The following IKBKE variants were observed in gnomAD, a reference collection of about 807,000 sequenced individuals.
IKBKE encodes inhibitor of nuclear factor kappa B kinase subunit epsilon.
Under a neutral mutation model 92.1 loss-of-function variants are expected in IKBKE, and 45 were observed. That is an observed-to-expected ratio of 0.49 (90% CI 0.38 to 0.63). The LOEUF (loss-of-function observed/expected upper bound fraction) is 0.63. Ranked by LOEUF, IKBKE falls within the 20% of genes least tolerant of loss-of-function variation. The pLI, the probability that IKBKE is intolerant of heterozygous loss-of-function variation, is 0.00. For missense variants in IKBKE, 700 were observed against 932.8 expected (o/e 0.75, Z 3.25); for synonymous variants, 374 against 380.3 (o/e 0.98, Z 0.19).
chr1:206,480,949 C>T (rs1231847905), intron 13 of IKBKE, among the ~76,000 whole-genome samples: 6 of 152,196 alleles, frequency 3.9e-5, no homozygotes, highest in African/African-American at 1.4e-4. Context: ...CAGGTGGTCT[C>T]GTTCTCCATG....
chr1:206,491,862 G>T (rs1184938009), intron 18 of IKBKE, 113 bp downstream of exon 18: 2 of 746,004 alleles, frequency 2.7e-6, no homozygotes, highest in African/African-American at 1.8e-5. Context: ...GAGTGAAGGG[G>T]TGTGAGCAGA....
intron 13 of IKBKE, 101 bp from the exon 14 acceptor site, chr1:206,484,896 C>A: frequency 1.1e-6 from 1 of 945,890 alleles, no homozygotes. Context: ...CAAGGCTGTC[C>A]CACAGATGCT....
At chr1:206,489,736 G>A (rs186239071) in intron 16 of IKBKE, among the ~76,000 whole-genome samples, 2 of 151,978 alleles carry the variant, frequency 1.3e-5, no homozygotes, top group Non-Finnish European at 2.9e-5. Context: ...AAAACCTCTA[G>A]GCATCATTAC....
At chr1:206,480,621 TC>T (rs1218057294) in intron 13 of IKBKE, 88 bp downstream of exon 13, 917,840 of 917,846 alleles carry the variant, frequency 1, 458,917 homozygotes, top group Middle Eastern at 1. Context: ...GCACCTCTTC[TC>T]CCCCAAGCCA....
intron 13 of IKBKE, 102 bp from the exon 14 acceptor site, chr1:206,484,895 C>G: frequency 1.1e-6 from 1 of 935,646 alleles, no homozygotes. Flanking sequence ...CCAAGGCTGT[C>G]CCACAGATGC....
Position 206,476,269 on chromosome 1 carries a change from G to T in IKBKE, c.447G>T (p.Gly149=), listed in dbSNP as rs1247640441. Residue 149 remains glycine (G), a synonymous_variant, in exon 6 of 22, where the codon GGG becomes GGT. Transcript: ENST00000581977. This position sits in a 1 kb window ranked among gnomAD's most constrained non-coding sequence, Gnocchi z 5.1. The stretch of plus-strand genomic sequence containing the variant: ...TCATGCGCCTCGTAGGGGAGGAGGG[G>T]CAGAGCATCTACAAGCTGACAGACT... ...GNIMRLVGEE[G]QSIYKLTDFG... The T allele has an allele frequency of 6.2e-7, 1 of 1,613,996 alleles. No individual in the cohort carries two copies. The highest frequency in any genetic ancestry group is 1.7e-5 in the Admixed American group (1 of 60,006).
chr1:206,479,362 A>G (rs1283412554), intron 10 of IKBKE, among the ~76,000 whole-genome samples: 1 of 152,150 alleles, frequency 6.6e-6, no homozygotes, highest in Non-Finnish European at 1.5e-5. Flanking sequence ...GAGCTGTGGA[A>G]AGAGCTCCAG....
intron 7 of IKBKE, among the ~76,000 whole-genome samples, chr1:206,477,159 G>A (rs530757851): frequency 6.6e-6 from 1 of 152,316 alleles, no homozygotes; most frequent in South Asian, 2.1e-4. Flanking sequence ...CTCACCAGGG[G>A]CAAAGGTGGC....
intron 13 of IKBKE, among the ~76,000 whole-genome samples, chr1:206,482,020 C>T (rs1665425269): frequency 6.6e-6 from 1 of 151,960 alleles, no homozygotes; most frequent in Non-Finnish European, 1.5e-5. Context: ...ACCTCGTGAT[C>T]TGCCTGCCTC....
At chr1:206,481,172 G>A (rs1322966715) in intron 13 of IKBKE, among the ~76,000 whole-genome samples, 1 of 152,222 alleles carries the variant, frequency 6.6e-6, no homozygotes, top group Non-Finnish European at 1.5e-5. Flanking sequence ...GAGCACGATT[G>A]AGAAGTAGGC....
chr1:206,485,240 A>G lies in IKBKE; in HGVS notation c.1550A>G (p.Gln517Arg), dbSNP rs2103472436. 3 of 1,614,046 alleles carry G rather than the reference A, an allele frequency of 1.9e-6. No individual in the cohort carries two copies. Among genetic ancestry groups the G allele is most frequent in the Non-Finnish European group, 2.5e-6 (3 of 1,179,878 alleles). ...SRCSQNITET[Q>R]ESLSSLNREL... ...TGCTCCCAAAATATCACGGAGACCC[A>G]GGAGAGCCTGAGCAGCCTGAACCGG... Residue 517 changes from glutamine to arginine, a missense_variant, in exon 15 of 22, where the codon CAG becomes CGG. Transcript: ENST00000581977. This position sits in a 1 kb window ranked among gnomAD's most constrained non-coding sequence, Gnocchi z 5.0.
chr1:206,488,216 C>A (rs996761604), intron 16 of IKBKE, among the ~76,000 whole-genome samples: 1 of 152,254 alleles, frequency 6.6e-6, no homozygotes, highest in Non-Finnish European at 1.5e-5. Context: ...GGACATGAAA[C>A]CTTTACATGC....
chr1:206,476,537 G>A lies in IKBKE; in HGVS notation c.541-141G>A. On this transcript the variant is annotated intron_variant, in intron 6 of 21. Coordinates refer to ENST00000581977, the MANE Select transcript of IKBKE (RefSeq NM_014002.4). This position sits in a 1 kb window ranked among gnomAD's most constrained non-coding sequence, Gnocchi z 5.1. ...CTGTTCTCTAAGATGGAAAAGGTGA[G>A]GCTGACACCCATTTTTAAGATGACA... is the stretch of plus-strand genomic sequence containing the variant. 1 of 1,164,564 alleles carries A rather than the reference G, an allele frequency of 8.6e-7. No homozygotes were observed. Among genetic ancestry groups the A allele is most frequent in the South Asian group, 1.5e-5 (1 of 68,116 alleles). The allele number at this position is 1,164,564 out of a possible 1,614,324, so 72.1% of individuals were successfully genotyped here.
chr1:206,489,369 GTATA>G (rs368827445), intron 16 of IKBKE, among the ~76,000 whole-genome samples: 23,162 of 118,126 alleles, frequency 0.2, 2,217 homozygotes, highest in Non-Finnish European at 0.21. Flanking sequence ...GTGTGTGTGT[GTATA>G]TATATATATA....
At chr1:206,480,562 C>T in intron 13 of IKBKE, 29 bp downstream of exon 13, 1 of 1,504,922 alleles carries the variant, frequency 6.6e-7, no homozygotes, top group Non-Finnish European at 9.2e-7. Flanking sequence ...CCAGCTGGGA[C>T]CTCTCAGCCC....
In IKBKE at chr1:206,496,096, G is replaced by A. The variant is rs1330848639; in HGVS notation, c.2118-16G>A. 1 of 1,611,908 alleles carries A rather than the reference G, an allele frequency of 6.2e-7. No homozygotes were observed. Among genetic ancestry groups the A allele is most frequent in the Non-Finnish European group, 8.5e-7 (1 of 1,178,020 alleles). On this transcript the variant is annotated splice_polypyrimidine_tract_variant and intron_variant, in intron 21 of 21. Coordinates refer to ENST00000581977, the MANE Select transcript of IKBKE (RefSeq NM_014002.4). The stretch of plus-strand genomic sequence containing the variant: ...TCCAACAGGTGGGCACTGCTAGCCT[G>A]TACCTTTTCTTGTAGGCTAAATAGA...
In IKBKE at chr1:206,478,927, C is replaced by T. The variant is rs782090274; in HGVS notation, c.993-16C>T. On this transcript the variant is annotated splice_polypyrimidine_tract_variant and intron_variant, in intron 9 of 21. Coordinates refer to ENST00000581977, the MANE Select transcript of IKBKE (RefSeq NM_014002.4). The surrounding 1 kb of genome is among the most constrained non-coding windows in gnomAD (Gnocchi z 4.8). Reference sequence around the variant, plus strand: ...GACACCCCCTGCCCTCTGCTCCCCACCACGGCTGTGTCTAGGATAGCCATT... The same window carrying T: ...GACACCCCCTGCCCTCTGCTCCCCATCACGGCTGTGTCTAGGATAGCCATT... 2 of 1,613,470 alleles carry T rather than the reference C, an allele frequency of 1.2e-6. No individual in the cohort carries two copies. The highest frequency in any genetic ancestry group is 2.2e-5 in the South Asian group (2 of 91,080).
chr1:206,482,960 C>G (rs1572252306), intron 13 of IKBKE, among the ~76,000 whole-genome samples: 1 of 152,390 alleles, frequency 6.6e-6, no homozygotes, highest in African/African-American at 2.4e-5. Flanking sequence ...CCACCTCTCC[C>G]CCAGTGTGCA....
intron 3 of IKBKE, 32 bp downstream of exon 3, chr1:206,473,346 G>T: frequency 6.5e-7 from 1 of 1,530,302 alleles, no homozygotes; most frequent in Non-Finnish European, 8.9e-7. Context: ...GCCCTGTCCA[G>T]CCCAGCCTTG....
Sources: allele counts gnomAD v4.1 joint callset (sites outside exome capture counted in the v4.1 genomes callset), GRCh38; gene constraint gnomAD v4.1.1; non-coding constraint Gnocchi (gnomAD v3.1); transcripts MANE v1.5; gene names NCBI Gene and HGNC (gene_info 2026-07-23, HGNC 2026-07-21).